JADE3: variants seen among roughly 807,000 people sequenced by gnomAD.
JADE3 encodes jade family PHD finger 3.
JADE3 carries 2 observed loss-of-function variants against 50.1 expected under a neutral mutation model. The ratio of observed to expected loss-of-function variants is 0.04; its 90% CI spans 0.02 to 0.13. The LOEUF (loss-of-function observed/expected upper bound fraction) is 0.13. Among genes scored for constraint, JADE3 ranks in the 10% least tolerant of loss-of-function variants. The pLI, the probability that JADE3 is intolerant of heterozygous loss-of-function variation, is 1.00. For synonymous variants in JADE3, 218 were observed against 232.9 expected (o/e 0.94, Z 0.58); for missense variants, 475 against 634.4 (o/e 0.75, Z 2.70).
intron 1 of JADE3, among the ~76,000 whole-genome samples, chrX:46,960,314 GA>G (rs1927232031): frequency 8.9e-6 from 1 of 111,759 alleles, no homozygotes; most frequent in African/African-American, 3.3e-5. Context: ...CTGGGCTGGC[GA>G]ATAAGAACTT....
intron 4 of JADE3, among the ~76,000 whole-genome samples, chrX:47,007,315 A>G (rs1928450378): frequency 9.0e-6 from 1 of 111,443 alleles, no homozygotes; most frequent in African/African-American, 3.3e-5. Context: ...GGTAGTGTTG[A>G]GTTCTTCTGT....
chrX:47,033,557 G>T, intron 6 of JADE3, 64 bp from the exon 7 acceptor site: 5 of 976,722 alleles, frequency 5.1e-6, no homozygotes, highest in Non-Finnish European at 7.1e-6. Context: ...CTGTGTATCA[G>T]AACAGATACC....
intron 1 of JADE3, among the ~76,000 whole-genome samples, chrX:46,939,724 A>T (rs1418101927): frequency 3.6e-5 from 4 of 112,030 alleles, no homozygotes; most frequent in African/African-American, 1.3e-4. Flanking sequence ...TTTATCAGGA[A>T]AAGTCTAAAT....
At chrX:46,952,696 A>C (rs782310404) in intron 1 of JADE3, among the ~76,000 whole-genome samples, 1 of 112,262 alleles carries the variant, frequency 8.9e-6, no homozygotes, top group South Asian at 3.7e-4. Context: ...AGAGAAAAAA[A>C]GTAAGAAAAA....
intron 1 of JADE3, among the ~76,000 whole-genome samples, chrX:46,920,979 T>C (rs1313410684): frequency 8.9e-6 from 1 of 112,234 alleles, no homozygotes; most frequent in Non-Finnish European, 1.9e-5. Flanking sequence ...AGGGTCTCAC[T>C]GTATTGGCCA....
chrX:47,033,128 G>A lies in JADE3; in HGVS notation c.688-493G>A, dbSNP rs370428781. ...AAGCAAGCAATTGCTACGATTTACTGAGTACTTTTTATGCACCAGGCGTTA... is the reference window on the plus strand; with the variant it reads ...AAGCAAGCAATTGCTACGATTTACTAAGTACTTTTTATGCACCAGGCGTTA... On this transcript the variant is annotated intron_variant, in intron 6 of 10. Coordinates refer to ENST00000614628, the MANE Select transcript of JADE3 (RefSeq NM_014735.5). Among the ~76,000 whole-genome samples the A allele has an allele frequency of 6.6e-4, 74 of 112,151 alleles. No individual in the cohort carries two copies. In the South Asian group the frequency reaches 0.025, roughly 38 times the overall value.
intron 1 of JADE3, among the ~76,000 whole-genome samples, chrX:46,914,213 C>T (rs983073411): frequency 6.3e-5 from 7 of 111,671 alleles, no homozygotes; most frequent in Non-Finnish European, 1.3e-4. Flanking sequence ...TCAGCCTAGG[C>T]TGGGAGGGGG....
chrX:47,019,113 G>T (rs1490054937), intron 4 of JADE3, among the ~76,000 whole-genome samples: 2 of 111,467 alleles, frequency 1.8e-5, no homozygotes, highest in Non-Finnish European at 3.8e-5. Flanking sequence ...CAGTTCTCAT[G>T]GCATCACTTC....
chrX:47,040,158 C>T (rs1929226383), intron 8 of JADE3, among the ~76,000 whole-genome samples: 1 of 111,841 alleles, frequency 8.9e-6, no homozygotes, highest in Non-Finnish European at 1.9e-5. Context: ...GACCTTTCAC[C>T]TCTCAGACCT....
chrX:47,008,979 T>A (rs1225268177), intron 4 of JADE3, among the ~76,000 whole-genome samples: 2 of 110,747 alleles, frequency 1.8e-5, no homozygotes, highest in African/African-American at 6.6e-5. Context: ...TATAAGTATA[T>A]GAACAATCAT....
intron 3 of JADE3, among the ~76,000 whole-genome samples, chrX:46,990,202 T>C (rs973007038): frequency 1.7e-4 from 19 of 111,991 alleles, no homozygotes; most frequent in African/African-American, 5.8e-4. Context: ...CTGTTGATTG[T>C]CTCTTCTCGT....
At chrX:47,012,630 T>TG (rs1928585876) in intron 4 of JADE3, among the ~76,000 whole-genome samples, 1 of 110,822 alleles carries the variant, frequency 9.0e-6, no homozygotes, top group African/African-American at 3.3e-5. Flanking sequence ...CTGTTTTTTT[T>TG]TTTGTTGTTG....
intron 1 of JADE3, among the ~76,000 whole-genome samples, chrX:46,930,630 A>G (rs781870486): frequency 1.8e-5 from 2 of 111,528 alleles, no homozygotes; most frequent in Non-Finnish European, 3.8e-5. Flanking sequence ...TTAATAGACA[A>G]CCAAACTTCC....
chrX:47,047,958 C>T (rs1929413589), intron 8 of JADE3, among the ~76,000 whole-genome samples: 1 of 111,878 alleles, frequency 8.9e-6, no homozygotes, highest in African/African-American at 3.2e-5. Flanking sequence ...TGGAATGCAG[C>T]TTCCAGTTAC....
At chrX:46,932,612 A>G (rs1556340117) in intron 1 of JADE3, among the ~76,000 whole-genome samples, 1 of 111,915 alleles carries the variant, frequency 8.9e-6, no homozygotes, top group East Asian at 2.8e-4. Context: ...ATTCTACAAC[A>G]TTGCCTGTGG....
At chrX:46,995,264 C>T (rs1556357114) in intron 3 of JADE3, among the ~76,000 whole-genome samples, 2 of 110,855 alleles carry the variant, frequency 1.8e-5, no homozygotes, top group African/African-American at 6.6e-5. Flanking sequence ...CTCCTGACCT[C>T]GTAATCCACC....
chrX:46,992,427 G>A (rs964098610), intron 3 of JADE3, among the ~76,000 whole-genome samples: 4 of 81,626 alleles, frequency 4.9e-5, no homozygotes, highest in African/African-American at 1.5e-4. Flanking sequence ...CAGTCCCCAC[G>A]CAGCATCCAG....
intron 1 of JADE3, among the ~76,000 whole-genome samples, chrX:46,928,608 G>A (rs1556339337): frequency 8.9e-6 from 1 of 111,892 alleles, no homozygotes; most frequent in East Asian, 2.8e-4. Flanking sequence ...CTTAAAGACA[G>A]GATTTCACTC....
At chrX:47,014,353 T>C (rs1165302463) in intron 4 of JADE3, among the ~76,000 whole-genome samples, 1 of 112,059 alleles carries the variant, frequency 8.9e-6, no homozygotes, top group East Asian at 2.8e-4. Context: ...TCCTTGCAAA[T>C]TGATGAGATG....
Sources: gnomAD v4.1 joint callset for allele counts (sites outside exome capture counted in the v4.1 genomes callset) on GRCh38, gnomAD v4.1.1 for gene constraint, MANE v1.5 for transcripts, NCBI Gene and HGNC (gene_info 2026-07-23, HGNC 2026-07-21) for gene names.